The following KCNH7 variants were observed in gnomAD, a reference collection of about 807,000 sequenced individuals.
KCNH7 encodes potassium voltage-gated channel subfamily H member 7.
In KCNH7, 49 loss-of-function variants were observed where a neutral mutation model predicts 120.8. The ratio of observed to expected loss-of-function variants is 0.41; its 90% CI spans 0.32 to 0.51. The LOEUF (loss-of-function observed/expected upper bound fraction) is 0.51. Among genes scored for constraint, KCNH7 ranks in the 20% least tolerant of loss-of-function variants. The pLI, the probability that KCNH7 is intolerant of heterozygous loss-of-function variation, is 0.38. For missense variants in KCNH7, 1,097 were observed against 1,446.6 expected (o/e 0.76, Z 3.92); for synonymous variants, 547 against 516.1 (o/e 1.06, Z -0.81).
intron 2 of KCNH7, among the ~76,000 whole-genome samples, chr2:162,773,392 G>A (rs889809709): frequency 2.6e-5 from 4 of 152,116 alleles, no homozygotes; most frequent in Non-Finnish European, 5.9e-5. Flanking sequence ...GGAGGCTGAG[G>A]CATGAGAATC....
chr2:162,540,768 T>G (rs1692276606), intron 2 of KCNH7, among the ~76,000 whole-genome samples: 2 of 152,074 alleles, frequency 1.3e-5, no homozygotes, highest in Admixed American at 1.3e-4. Context: ...ATCCAGGGGT[T>G]AGCATGATTT....
intron 2 of KCNH7, among the ~76,000 whole-genome samples, chr2:162,538,434 G>C (rs1417938333): frequency 1.3e-5 from 2 of 151,956 alleles, no homozygotes; most frequent in African/African-American, 4.8e-5. Context: ...GCAGAGGCGG[G>C]GGGAGGTTGA....
At chr2:162,577,807 G>A (rs903294217) in intron 2 of KCNH7, among the ~76,000 whole-genome samples, 1 of 151,938 alleles carries the variant, frequency 6.6e-6, no homozygotes, top group Admixed American at 6.6e-5. Flanking sequence ...ACTAAGCACA[G>A]TTTTATTTAC....
At chr2:162,784,232 G>A (rs114035908) in intron 2 of KCNH7, among the ~76,000 whole-genome samples, 1,785 of 152,214 alleles carry the variant, frequency 0.012, 40 homozygotes, top group African/African-American at 0.04. Flanking sequence ...TTGAGCTGAT[G>A]TATGTTCAAC....
At position 162,774,353 on chromosome 2, in the gene KCNH7, T is replaced by C. The variant is rs150924950; in HGVS notation, c.307+62184A>G. Among the ~76,000 whole-genome samples the C allele has an allele frequency of 1.3e-4, 20 of 152,304 alleles. 1 individual carries two copies. The East Asian group carries it at 3.9e-3, about 29-fold the overall frequency. On this transcript the variant is annotated intron_variant, in intron 2 of 15. Coordinates refer to ENST00000332142, the MANE Select transcript of KCNH7 (RefSeq NM_033272.4). ...AACATGGGTCAGAAGTGGAGAGATC[T>C]TATATCCTCAACAGGGAAGGGAGAG...
chr2:162,673,352 A>G (rs979631783), intron 2 of KCNH7, among the ~76,000 whole-genome samples: 14 of 152,218 alleles, frequency 9.2e-5, no homozygotes, highest in Admixed American at 7.2e-4. Context: ...AAACAACATT[A>G]TCAGTCAGGT....
In KCNH7 at chr2:162,427,599, C is replaced by T. The variant is rs373653391; in HGVS notation, c.1955-4064G>A. Among the ~76,000 whole-genome samples, 11 of 151,692 alleles carry T rather than the reference C, an allele frequency of 7.3e-5. No individual in the cohort carries two copies. The South Asian group carries it at 1.9e-3, about 26-fold the overall frequency. ...TTATTGATATATTCTGGATATAAGC[C>T]CTTTTATGATCTCGGTATTGAAAAT... On this transcript the variant is annotated intron_variant, in intron 8 of 15. Transcript: ENST00000332142.
intron 13 of KCNH7, among the ~76,000 whole-genome samples, chr2:162,380,450 A>G (rs1686377362): frequency 6.6e-6 from 1 of 152,084 alleles, no homozygotes; most frequent in Non-Finnish European, 1.5e-5. Flanking sequence ...TGCATACGTT[A>G]TGACTTAGAG....
At chr2:162,508,021 A>G (rs1690941697) in intron 5 of KCNH7, among the ~76,000 whole-genome samples, 1 of 151,630 alleles carries the variant, frequency 6.6e-6, no homozygotes, top group Non-Finnish European at 1.5e-5. Flanking sequence ...TTGAACACTA[A>G]CATATTGAAA....
intron 6 of KCNH7, among the ~76,000 whole-genome samples, chr2:162,503,606 C>G (rs906938908): frequency 1.3e-5 from 2 of 151,978 alleles, no homozygotes; most frequent in African/African-American, 4.8e-5. Context: ...GTAGTGATTA[C>G]AATTACAGAA....
At chr2:162,465,745 G>T (rs1450854976) in intron 6 of KCNH7, among the ~76,000 whole-genome samples, 1 of 152,132 alleles carries the variant, frequency 6.6e-6, no homozygotes, top group African/African-American at 2.4e-5. Context: ...AATCCATTAA[G>T]TATCATGTAA....
intron 2 of KCNH7, among the ~76,000 whole-genome samples, chr2:162,805,829 G>T (rs894950505): frequency 6.6e-6 from 1 of 152,012 alleles, no homozygotes; most frequent in Non-Finnish European, 1.5e-5. Context: ...ATGGAACCAA[G>T]TTCAGTGCCC....
At position 162,678,275 on chromosome 2, in the gene KCNH7, AC is replaced by A. The variant is rs1247649204; in HGVS notation, c.308-141196del. On this transcript the variant is annotated intron_variant, in intron 2 of 15. Transcript: ENST00000332142. ...TGTAAATTCCCCAGGAGAGAATATG[AC>A]ATGTTGTACAAGCTCAATACATGAT... Among the ~76,000 whole-genome samples the A allele has an allele frequency of 2.6e-5, 4 of 151,484 alleles. No homozygotes were observed. In the East Asian group the frequency reaches 5.8e-4, roughly 22 times the overall value.
At chr2:162,731,697 T>A (rs911445382) in intron 2 of KCNH7, among the ~76,000 whole-genome samples, 1 of 152,098 alleles carries the variant, frequency 6.6e-6, no homozygotes, top group African/African-American at 2.4e-5. Flanking sequence ...TAAATATTTA[T>A]GAAAATGATC....
chr2:162,795,485 A>T (rs1461322997), intron 2 of KCNH7: 1 of 151,860 alleles, frequency 6.6e-6, no homozygotes, highest in Non-Finnish European at 1.5e-5. Flanking sequence ...CTCCCCATTG[A>T]CTCCTAGCAG....
intron 8 of KCNH7, among the ~76,000 whole-genome samples, chr2:162,432,245 T>C (rs1297268175): frequency 6.6e-6 from 1 of 152,048 alleles, no homozygotes; most frequent in Non-Finnish European, 1.5e-5. Flanking sequence ...CTCTCTGGAA[T>C]ACATATTTCT....
At chr2:162,834,248 A>G (rs1239615103) in intron 2 of KCNH7, among the ~76,000 whole-genome samples, 1 of 152,156 alleles carries the variant, frequency 6.6e-6, no homozygotes, top group Admixed American at 6.6e-5. Flanking sequence ...TATCTGAACT[A>G]GCAGCCAAAA....
intron 2 of KCNH7, among the ~76,000 whole-genome samples, chr2:162,671,395 T>TTTG (rs1468043145): frequency 2.0e-5 from 3 of 151,616 alleles, no homozygotes; most frequent in Non-Finnish European, 4.4e-5. Context: ...AAATCATGTT[T>TTTG]TTTTTTTTTT....
At chr2:162,600,981 T>A (rs1574153823) in intron 2 of KCNH7, among the ~76,000 whole-genome samples, 1 of 152,110 alleles carries the variant, frequency 6.6e-6, no homozygotes, top group African/African-American at 2.4e-5. Context: ...AAATATGTTA[T>A]TTATTATCCT....
Sources: allele counts gnomAD v4.1 joint callset (sites outside exome capture counted in the v4.1 genomes callset), GRCh38; gene constraint gnomAD v4.1.1; transcripts MANE v1.5; gene names NCBI Gene and HGNC (gene_info 2026-07-23, HGNC 2026-07-21).